Variants in TAFA5 observed in about 807,000 individuals in gnomAD.
The protein encoded by TAFA5 is TAFA chemokine like family member 5, also known as chemokine-like protein TAFA-5.
A neutral mutation model predicts 15.3 loss-of-function variants in TAFA5; 6 were observed. The ratio of observed to expected loss-of-function variants is 0.39; its 90% CI spans 0.21 to 0.77. TAFA5 has a LOEUF of 0.77. TAFA5 is among the 30% of genes least tolerant of loss of function. The pLI, the probability that TAFA5 is intolerant of heterozygous loss-of-function variation, is 0.41. For synonymous variants in TAFA5, 103 were observed against 80.7 expected, an observed-to-expected ratio of 1.28 and a Z score of -1.48; for missense variants, 161 against 193.1, an observed-to-expected ratio of 0.83 and a Z score of 0.98.
intron 2 of TAFA5, among the ~76,000 whole-genome samples, chr22:48,648,918 C>T (rs1053438652): frequency 5.3e-5 from 8 of 152,190 alleles, no homozygotes; most frequent in African/African-American, 1.9e-4. Flanking sequence ...CAGATAGACC[C>T]CTCTAGGGGT....
At chr22:48,589,621 T>G (rs1349006543) in intron 1 of TAFA5, among the ~76,000 whole-genome samples, 1 of 152,148 alleles carries the variant, frequency 6.6e-6, no homozygotes, top group African/African-American at 2.4e-5. Context: ...TAAGGTCAGG[T>G]TCTCAAGATG....
At chr22:48,666,698 G>T (rs1051222178) in intron 2 of TAFA5, among the ~76,000 whole-genome samples, 1 of 152,196 alleles carries the variant, frequency 6.6e-6, no homozygotes, top group African/African-American at 2.4e-5. Context: ...GCGTCACACC[G>T]GCTAGTTCCA....
chr22:48,700,401 C>T (rs993895593), intron 2 of TAFA5, among the ~76,000 whole-genome samples: 17 of 152,222 alleles, frequency 1.1e-4, no homozygotes, highest in East Asian at 1.9e-4. Context: ...TACCCAGGTA[C>T]GACTAGAGCT....
chr22:48,584,157 A>G (rs1924229125), intron 1 of TAFA5, among the ~76,000 whole-genome samples: 1 of 148,172 alleles, frequency 6.7e-6, no homozygotes, highest in African/African-American at 2.5e-5. Context: ...AAAACATCAC[A>G]TACATCATAC....
At chr22:48,670,816 G>A (rs897156755) in intron 2 of TAFA5, among the ~76,000 whole-genome samples, 3 of 152,216 alleles carry the variant, frequency 2.0e-5, no homozygotes, top group African/African-American at 4.8e-5. Flanking sequence ...ATCAGGAGCC[G>A]TGGCTTACTT....
rs921414942 is a variant in TAFA5 at position 48,682,274 on chromosome 22, C to T, written c.263-25443C>T. On this transcript the variant is annotated intron_variant, in intron 2 of 3. Coordinates refer to ENST00000402357, the MANE Select transcript of TAFA5 (RefSeq NM_001082967.3). ...TAGAACCCAGGGCTTCTCCAGGTGT[C>T]CCCTAGAGCCGTGATGATGAGGGGA... Among the ~76,000 whole-genome samples, 4 of 152,194 alleles carry T rather than the reference C, an allele frequency of 2.6e-5. No individual in the cohort carries two copies. The East Asian group carries it at 5.8e-4, about 22-fold the overall frequency.
chr22:48,719,292 G>A (rs531497890), intron 3 of TAFA5, among the ~76,000 whole-genome samples: 34 of 152,256 alleles, frequency 2.2e-4, no homozygotes, highest in Non-Finnish European at 3.4e-4. Context: ...GGCACGTCCC[G>A]TTCCCCTCGG....
At chr22:48,572,673 T>TA (rs1265527376) in intron 1 of TAFA5, among the ~76,000 whole-genome samples, 1 of 152,186 alleles carries the variant, frequency 6.6e-6, no homozygotes, top group Non-Finnish European at 1.5e-5. Context: ...CAGGACAAAC[T>TA]AAAAATACCT....
At chr22:48,518,464 G>A (rs554426383) in intron 1 of TAFA5, among the ~76,000 whole-genome samples, 13 of 152,280 alleles carry the variant, frequency 8.5e-5, no homozygotes, top group African/African-American at 2.2e-4. Flanking sequence ...TGGGATGTCC[G>A]TCTGTGTCTC....
intron 3 of TAFA5, among the ~76,000 whole-genome samples, chr22:48,723,141 A>C (rs575750566): frequency 6.6e-6 from 1 of 152,126 alleles, no homozygotes; most frequent in Admixed American, 6.5e-5. Flanking sequence ...TGGTGTGTCC[A>C]GATGTGCCTC....
chr22:48,705,267 G>C (rs1929043839), intron 2 of TAFA5, among the ~76,000 whole-genome samples: 1 of 152,098 alleles, frequency 6.6e-6, no homozygotes, highest in African/African-American at 2.4e-5. Context: ...AGGACTGGCT[G>C]GGACACAGCA....
At chr22:48,733,959 C>G (rs1021797819) in intron 3 of TAFA5, among the ~76,000 whole-genome samples, 1 of 152,180 alleles carries the variant, frequency 6.6e-6, no homozygotes. Context: ...GAATGGGCAG[C>G]CGCCTGCACA....
At chr22:48,645,616 G>T (rs1171656470) in intron 1 of TAFA5, among the ~76,000 whole-genome samples, 3 of 152,124 alleles carry the variant, frequency 2.0e-5, no homozygotes, top group Admixed American at 1.3e-4. Flanking sequence ...CGTGCCCTGT[G>T]GGGTATCTGT....
chr22:48,521,590 G>A (rs947279460), intron 1 of TAFA5, among the ~76,000 whole-genome samples: 3 of 152,080 alleles, frequency 2.0e-5, no homozygotes, highest in South Asian at 2.1e-4. Context: ...GATGGGTGTC[G>A]TGCCTGCGAT....
intron 1 of TAFA5, among the ~76,000 whole-genome samples, chr22:48,585,598 TACC>T (rs1924321147): frequency 2.1e-5 from 3 of 141,788 alleles, no homozygotes; most frequent in Admixed American, 2.1e-4. Flanking sequence ...ACCACACAGA[TACC>T]ACACACAACA....
chr22:48,546,079 C>T (rs770509433), intron 1 of TAFA5, among the ~76,000 whole-genome samples: 10 of 152,176 alleles, frequency 6.6e-5, no homozygotes, highest in Non-Finnish European at 1.2e-4. Context: ...CCTCCCATCC[C>T]ATCACGGGCA....
At chr22:48,643,719 A>G (rs1926765602) in intron 1 of TAFA5, among the ~76,000 whole-genome samples, 2 of 152,090 alleles carry the variant, frequency 1.3e-5, no homozygotes, top group South Asian at 2.1e-4. Flanking sequence ...CCATCTCCCC[A>G]TGGCACCAGC....
chr22:48,694,470 G>A (rs1928638165), intron 2 of TAFA5, among the ~76,000 whole-genome samples: 1 of 152,116 alleles, frequency 6.6e-6, no homozygotes, highest in South Asian at 2.1e-4. Context: ...CTGGAGGTGT[G>A]GGACAGAGAC....
intron 3 of TAFA5, among the ~76,000 whole-genome samples, chr22:48,743,844 A>T (rs1201295011): frequency 6.6e-6 from 1 of 152,166 alleles, no homozygotes; most frequent in African/African-American, 2.4e-5. Flanking sequence ...TTGACAGATA[A>T]ACAGATGATC....
Sources: allele counts gnomAD v4.1 joint callset (sites outside exome capture counted in the v4.1 genomes callset), GRCh38; gene constraint gnomAD v4.1.1; transcripts MANE v1.5; gene names NCBI Gene and HGNC (gene_info 2026-07-23, HGNC 2026-07-21).